The following GDF10 variants were observed in gnomAD, a reference collection of about 807,000 sequenced individuals.
The protein encoded by GDF10 is growth differentiation factor 10.
Under a neutral mutation model 32.1 loss-of-function variants are expected in GDF10, and 23 were observed. The observed-to-expected ratio is 0.72, with a 90% CI of 0.52 to 1.02. GDF10 has a LOEUF of 1.02. Among genes scored for constraint, GDF10 ranks in the 50% least tolerant of loss-of-function variants. The pLI is 0.00. For missense variants in GDF10, 764 were observed against 673.9 expected (o/e 1.13, Z -1.48); for synonymous variants, 328 against 303.1 (o/e 1.08, Z -0.85).
At chr10:47,312,519 GC>G in intron 2 of GDF10, 81 bp from the exon 3 acceptor site, 1 of 802,214 alleles carries the variant, frequency 1.2e-6, no homozygotes, top group South Asian at 2.0e-5. Context: ...GAGCAGTATG[GC>G]CTGGGACTGT....
rs1392029248 is a variant in GDF10 at position 47,300,291 on chromosome 10, G to A, written c.-361G>A. 2.1e-5 allele frequency: 4 copies of A among 188,232 alleles called. No individual in the cohort carries two copies. Among genetic ancestry groups the A allele is most frequent in the Middle Eastern group, 1.8e-3 (1 of 548 alleles). 11.7% of individuals were successfully genotyped at this position (188,232 alleles called of 1,614,324 possible). A position where few individuals can be genotyped will look rare whatever the true frequency, so the allele number is the denominator to read the frequency against. On this transcript the variant is annotated 5_prime_UTR_variant, in exon 1 of 3. Transcript: ENST00000580279. ...GGCGCGCAGCCGGGTCCCCTCGAGGGCGCAGCCGGCCGCCCCGCCCCGCCC... is the reference window on the plus strand; with the variant it reads ...GGCGCGCAGCCGGGTCCCCTCGAGGACGCAGCCGGCCGCCCCGCCCCGCCC...
intron 1 of GDF10, among the ~76,000 whole-genome samples, chr10:47,301,627 G>A (rs2132219330): frequency 6.6e-6 from 1 of 152,332 alleles, no homozygotes; most frequent in African/African-American, 2.4e-5. Context: ...GAGGGCACTT[G>A]CAAAGGCCCA....
chr10:47,312,014 G>A (rs984403715), intron 2 of GDF10, among the ~76,000 whole-genome samples: 2 of 152,098 alleles, frequency 1.3e-5, no homozygotes, highest in Admixed American at 6.5e-5. Flanking sequence ...TTTAAACCTC[G>A]GTGTCTTCCC....
At chr10:47,303,541 T>C (rs1406046759) in intron 1 of GDF10, among the ~76,000 whole-genome samples, 2 of 152,216 alleles carry the variant, frequency 1.3e-5, no homozygotes, top group African/African-American at 2.4e-5. Context: ...GTCAAGTGCT[T>C]ACACCATTCC....
At chr10:47,308,075 TG>T (rs1208798808) in intron 1 of GDF10, among the ~76,000 whole-genome samples, 15 of 152,166 alleles carry the variant, frequency 9.9e-5, no homozygotes, top group African/African-American at 2.6e-4. Context: ...AGCTTGGGGA[TG>T]GGGGGGTGCA....
Position 47,300,861 on chromosome 10 carries a change from C to A in GDF10, c.210C>A (p.Ser70Arg), listed in dbSNP as rs782810173. 8 of 1,585,516 alleles carry A rather than the reference C, an allele frequency of 5.0e-6. No homozygotes were observed. The highest frequency in any genetic ancestry group is 1.7e-5 in the Admixed American group (1 of 58,526). ...PGDAAATLGP[S>R]AQDMVAVHMH... ...ACGCGGCCGCCACGTTGGGCCCCAG[C>A]GCCCAGGACATGGTCGCTGTCCACA... Residue 70 changes from serine (S) to arginine (R), a missense_variant, in exon 1 of 3, where the codon AGC becomes AGA. Transcript: ENST00000580279.
chr10:47,310,866 G>C, intron 2 of GDF10, 145 bp downstream of exon 2: 1 of 631,662 alleles, frequency 1.6e-6, no homozygotes, highest in East Asian at 2.7e-5. Context: ...GAAATAGGTA[G>C]ACATAGGTCA....
At position 47,310,085 on chromosome 10, in the gene GDF10, C is replaced by T; in HGVS notation, c.609C>T (p.Ala203=). Residue 203 remains alanine (A), a synonymous_variant, in exon 2 of 3, where the codon GCC becomes GCT. Transcript: ENST00000580279. ...CCCCACCGCGCGGCCTGTGGCAGGC[C>T]AAGGACATCTCCCCCATCGTCAAGG... ...LAPPPRGLWQ[A]KDISPIVKAA... is the part of the protein sequence containing the mutation. The T allele has an allele frequency of 6.2e-7, 1 of 1,608,112 alleles. No homozygotes were observed. Among genetic ancestry groups the T allele is most frequent in the Non-Finnish European group, 8.5e-7 (1 of 1,178,454 alleles).
rs138119728 is a variant in GDF10, at chr10:47,312,685, G to A, written c.1330G>A (p.Val444Ile). 6.4e-5 allele frequency: 103 copies of A among 1,610,952 alleles called. No homozygotes were observed. Among genetic ancestry groups the A allele is most frequent in the Non-Finnish European group, 8.4e-5 (99 of 1,178,206 alleles). The change falls in exon 3 of 3, where the codon GTT (valine) becomes ATT (isoleucine). Residue 444 changes from valine to isoleucine, a missense_variant. Coordinates refer to ENST00000580279, the MANE Select transcript of GDF10 (RefSeq NM_004962.5). ...IIPGIPEPCC[V>I]PDKMNSLGVL... ...CCCTGGCATCCCAGAGCCCTGCTGT[G>A]TTCCCGATAAGATGAACTCCCTTGG...
chr10:47,301,038 C>T (rs981698110), intron 1 of GDF10, 68 bp downstream of exon 1: 1 of 1,055,632 alleles, frequency 9.5e-7, no homozygotes, highest in South Asian at 1.8e-5. Context: ...TGTCTCCCCA[C>T]CCGTGCACCT....
At position 47,310,066 on chromosome 10, in the gene GDF10, C is replaced by A. The variant is rs782613950; in HGVS notation, c.590C>A (p.Pro197Gln). 6.9e-6 allele frequency: 11 copies of A among 1,605,776 alleles called. No individual in the cohort carries two copies. Among genetic ancestry groups the A allele is most frequent in the Non-Finnish European group, 2.5e-6 (3 of 1,176,682 alleles). The change falls in exon 2 of 3, where the codon CCG (proline) becomes CAG (glutamine). Residue 197 changes from proline (P) to glutamine (Q), a missense_variant. By Grantham distance (76) the Pro-to-Gln change is moderately conservative (BLOSUM62 -1). Coordinates refer to ENST00000580279, the MANE Select transcript of GDF10 (RefSeq NM_004962.5). ...LRGAMALAPP[P>Q]RGLWQAKDIS... ...GGGGCCATGGCCCTGGCGCCCCCAC[C>A]GCGCGGCCTGTGGCAGGCCAAGGAC...
chr10:47,311,393 G>A (rs1233513827), intron 2 of GDF10, among the ~76,000 whole-genome samples: 1 of 152,238 alleles, frequency 6.6e-6, no homozygotes, highest in Non-Finnish European at 1.5e-5. Flanking sequence ...CAGCCTGGCT[G>A]CTTGTGATGT....
At position 47,313,066 on chromosome 10, in the gene GDF10, G is replaced by C. The variant is rs986923388; in HGVS notation, c.*274G>C. 3.1e-6 allele frequency: 1 copy of C among 318,740 alleles called. No individual in the cohort carries two copies. Among genetic ancestry groups the C allele is most frequent in the Non-Finnish European group, 5.7e-6 (1 of 175,348 alleles). 19.7% of individuals were successfully genotyped at this position (318,740 alleles called of 1,614,324 possible). ...TTCATACCCACTGTTCTGAAGGCTT[G>C]AAAACAAAACATATCCACAACATTG... On this transcript the variant is annotated 3_prime_UTR_variant, in exon 3 of 3. Coordinates refer to ENST00000580279, the MANE Select transcript of GDF10 (RefSeq NM_004962.5).
Position 47,309,959 on chromosome 10 carries a change from G to C in GDF10, c.483G>C (p.Pro161=), listed in dbSNP as rs782642037. 1.2e-6 allele frequency: 2 copies of C among 1,611,956 alleles called. No homozygotes were observed. Among genetic ancestry groups the C allele is most frequent in the Middle Eastern group, 1.7e-4 (1 of 6,050 alleles). Residue 161 remains proline, a synonymous_variant, in exon 2 of 3, where the codon CCG becomes CCC. Transcript: ENST00000580279. ...GGGCCAAGAACGCTTCAGGCCGCCC[G>C]CTGCCCCTGGGCCCGCCCACACGCC... is the stretch of plus-strand genomic sequence containing the variant. The part of the protein sequence containing the change: ...KPRAKNASGR[P]LPLGPPTRQH...
Position 47,313,425 on chromosome 10 carries a change from A to G in GDF10, c.*633A>G, listed in dbSNP as rs568220178. The G allele has an allele frequency of 3.9e-5, 6 of 152,758 alleles. No homozygotes were observed. The highest frequency in any genetic ancestry group is 1.3e-4 in the Admixed American group (2 of 15,302). 9.5% of individuals were successfully genotyped at this position (152,758 alleles called of 1,614,324 possible). A position where few individuals can be genotyped will look rare whatever the true frequency, so the allele number is the denominator to read the frequency against. On this transcript the variant is annotated 3_prime_UTR_variant, in exon 3 of 3. Coordinates refer to ENST00000580279, the MANE Select transcript of GDF10 (RefSeq NM_004962.5). ...CTGAGTGTGGGTTGTTTAAACATGC[A>G]TATTGAAATAACACATATAGTAACG... is the stretch of plus-strand genomic sequence containing the variant.
chr10:47,302,632 A>G (rs575415482), intron 1 of GDF10, among the ~76,000 whole-genome samples: 23 of 152,340 alleles, frequency 1.5e-4, no homozygotes, highest in South Asian at 6.2e-4. Context: ...TGAAGACAGT[A>G]TCTCAAATCC....
chr10:47,310,604 C>T lies in GDF10; in HGVS notation c.1128C>T (p.Cys376=), dbSNP rs2061042521. ...AGCAGTGGGATGAGCCGAGGGTGTGCTCCCGGAGGTACCTGAAGGTGGACT... is the reference window on the plus strand; with the variant it reads ...AGCAGTGGGATGAGCCGAGGGTGTGTTCCCGGAGGTACCTGAAGGTGGACT... ...RRKQWDEPRV[C]SRRYLKVDFA... is the part of the protein sequence containing the mutation. Residue 376 remains cysteine (C), a synonymous_variant, in exon 2 of 3, where the codon TGC becomes TGT. Coordinates refer to ENST00000580279, the MANE Select transcript of GDF10 (RefSeq NM_004962.5). 2 of 1,614,110 alleles carry T rather than the reference C, an allele frequency of 1.2e-6. No individual in the cohort carries two copies. Among genetic ancestry groups the T allele is most frequent in the East Asian group, 2.2e-5 (1 of 44,876 alleles).
Position 47,310,208 on chromosome 10 carries a change from C to CT in GDF10, c.732_733insT (p.Leu245SerfsTer64). On this transcript the variant is annotated frameshift_variant, in exon 2 of 3. Coordinates refer to ENST00000580279, the MANE Select transcript of GDF10 (RefSeq NM_004962.5). LOFTEE classifies it high-confidence loss of function. ...GGCCCAGCCCCTATGCGCCCTACAT[C>CT]CTAGTCTATGCCAACGATCTGGCCA... The CT allele has an allele frequency of 6.2e-7, 1 of 1,611,346 alleles. No individual in the cohort carries two copies. Among genetic ancestry groups the CT allele is most frequent in the Non-Finnish European group, 8.5e-7 (1 of 1,179,008 alleles).
chr10:47,309,712 C>T (rs2236723), intron 1 of GDF10, 84 bp from the exon 2 acceptor site: 722,065 of 816,304 alleles, frequency 0.88, 323,319 homozygotes, highest in Non-Finnish European at 0.94. Context: ...GATCGGTGGG[C>T]GTTTGCTCCT....
Sources: allele counts gnomAD v4.1 joint callset (sites outside exome capture counted in the v4.1 genomes callset), GRCh38; gene constraint gnomAD v4.1.1; transcripts MANE v1.5; gene names NCBI Gene and HGNC (gene_info 2026-07-23, HGNC 2026-07-21).